The following TOP2B variants were observed in gnomAD, a reference collection of about 807,000 sequenced individuals.
The protein encoded by TOP2B is DNA topoisomerase II beta, also known as DNA topoisomerase 2-beta.
Under a neutral mutation model 193.5 loss-of-function variants are expected in TOP2B, and 51 were observed. That is an observed-to-expected ratio of 0.26 (90% confidence interval 0.21 to 0.33). The LOEUF is 0.33. Among genes scored for constraint, TOP2B ranks in the 10% least tolerant of loss-of-function variants. The pLI is 1.00. For synonymous variants in TOP2B, 634 were observed against 635.7 expected (o/e 1.00, Z 0.04); for missense variants, 1,378 against 1,909.3 (o/e 0.72, Z 5.19).
intron 3 of TOP2B, 29 bp from the exon 4 acceptor site, chr3:25,642,414 T>C (rs1473482333): frequency 5.8e-6 from 8 of 1,370,570 alleles, no homozygotes; most frequent in African/African-American, 5.8e-5. Context: ...CAATGAGTAA[T>C]ATACAAAATT....
intron 33 of TOP2B, among the ~76,000 whole-genome samples, chr3:25,602,416 G>GAA (rs60844877): frequency 2.2e-4 from 25 of 111,710 alleles, no homozygotes; most frequent in Admixed American, 4.0e-4. Context: ...AAAAGAAAAA[G>GAA]AAAAAAAAAA....
intron 8 of TOP2B, among the ~76,000 whole-genome samples, chr3:25,633,570 G>C (rs1211465689): frequency 2.0e-5 from 3 of 152,010 alleles, no homozygotes; most frequent in African/African-American, 7.2e-5. Context: ...AAAAGTTACA[G>C]AAAAAGGAAT....
rs1704044838 is a variant in TOP2B at position 25,664,860 on chromosome 3, C to G, written c.-563G>C. 6 of 991,948 alleles carry G rather than the reference C, an allele frequency of 6.0e-6. No individual in the cohort carries two copies. The South Asian group carries it at 2.7e-4, about 45-fold the overall frequency. 61.4% of individuals were successfully genotyped at this position (991,948 alleles called of 1,614,324 possible). A position where few individuals can be genotyped will look rare whatever the true frequency, so the allele number is the denominator to read the frequency against. On this transcript the variant is annotated 5_prime_UTR_variant, in exon 1 of 36. Transcript: ENST00000264331. ...GGGACAATAAACAGAGCCGCCGCCG[C>G]CGCCGCCACGGTCACCTCCCTCTTG...
intron 1 of TOP2B, among the ~76,000 whole-genome samples, chr3:25,650,264 T>C (rs950420155): frequency 1.3e-5 from 2 of 152,214 alleles, no homozygotes; most frequent in Non-Finnish European, 2.9e-5. Flanking sequence ...AACACTCTTA[T>C]AATAAGCAGA....
rs1385998593 is a variant in TOP2B, at chr3:25,607,389, T to C, written c.4094-14A>G. On this transcript the variant is annotated splice_polypyrimidine_tract_variant and intron_variant, in intron 30 of 35. Transcript: ENST00000264331. ...TAGGTCTTTCGGCTAGGAGGAAAAA[T>C]AAAAATGAATGTTAAACTCAAATCC... 2 of 1,548,216 alleles carry C rather than the reference T, an allele frequency of 1.3e-6. No individual in the cohort carries two copies. The highest frequency in any genetic ancestry group is 1.7e-6 in the Non-Finnish European group (2 of 1,145,572).
intron 1 of TOP2B, among the ~76,000 whole-genome samples, chr3:25,649,934 A>G (rs964621260): frequency 4.6e-5 from 7 of 152,246 alleles, no homozygotes; most frequent in African/African-American, 1.7e-4. Context: ...AGACACTTTT[A>G]TAAGTGATGA....
At chr3:25,642,656 GAACAAACACC>G (rs1703297289) in intron 3 of TOP2B, among the ~76,000 whole-genome samples, 1 of 152,012 alleles carries the variant, frequency 6.6e-6, no homozygotes, top group Non-Finnish European at 1.5e-5. Context: ...TATTAAGTAA[GAACAAACACC>G]TGCATTTTAC....
intron 18 of TOP2B, among the ~76,000 whole-genome samples, chr3:25,625,859 A>T (rs978426703): frequency 6.6e-6 from 1 of 152,214 alleles, no homozygotes; most frequent in Non-Finnish European, 1.5e-5. Context: ...CTAGAGGCAA[A>T]ATGAACAAAG....
chr3:25,654,921 A>G (rs1703702949), intron 1 of TOP2B, among the ~76,000 whole-genome samples: 1 of 152,192 alleles, frequency 6.6e-6, no homozygotes, highest in Non-Finnish European at 1.5e-5. Flanking sequence ...TAGATTAAAG[A>G]CCTAAAAGTA....
intron 33 of TOP2B, among the ~76,000 whole-genome samples, chr3:25,602,418 A>G (rs201457956): frequency 0.13 from 13,526 of 104,360 alleles, 818 homozygotes; most frequent in East Asian, 0.18. Context: ...AAGAAAAAGA[A>G]AAAAAAAAAA....
intron 1 of TOP2B, among the ~76,000 whole-genome samples, chr3:25,658,063 A>C (rs1425311709): frequency 1.0e-5 from 1 of 96,538 alleles, no homozygotes; most frequent in Non-Finnish European, 1.9e-5. Context: ...TCCGTCTCAA[A>C]AAAAAAAAAA....
At chr3:25,650,830 G>T (rs7646633) in intron 1 of TOP2B, among the ~76,000 whole-genome samples, 8,303 of 152,066 alleles carry the variant, frequency 0.055, 729 homozygotes, top group African/African-American at 0.19. Flanking sequence ...TTTATTTGAG[G>T]CATTGGCCCT....
intron 13 of TOP2B, 127 bp downstream of exon 13, chr3:25,629,902 A>AT (rs1297995921): frequency 5.7e-6 from 6 of 1,058,218 alleles, no homozygotes; most frequent in Non-Finnish European, 6.6e-6. Flanking sequence ...TGGTTTTTTC[A>AT]TTTTTTCCTC....
At chr3:25,615,797 G>A in intron 25 of TOP2B, 1 of 372,980 alleles carries the variant, frequency 2.7e-6, no homozygotes, top group East Asian at 4.3e-5. Flanking sequence ...ATCTTCAGAA[G>A]GAATGGTATA....
rs1297460082 is a variant in TOP2B at position 25,612,544 on chromosome 3, C to T, written c.3757G>A (p.Ala1253Thr). ...IPEITAMKADASKKLLKKKKG... is the reference protein window; with the variant it reads ...IPEITAMKADTSKKLLKKKKG... ...TTCTTCTTCAGCAACTTTTTGCTGG[C>T]ATCTGCCTTCATAGCTGTAATTTCA... Residue 1253 changes from alanine to threonine, a missense_variant, in exon 28 of 36, where the codon GCC becomes ACC. Ala to Thr is a moderately conservative substitution (Grantham distance 58). Coordinates refer to ENST00000264331, the MANE Select transcript of TOP2B (RefSeq NM_001330700.2). 1.9e-6 allele frequency: 3 copies of T among 1,610,614 alleles called. No homozygotes were observed. The South Asian group carries it at 3.3e-5, about 18-fold the overall frequency.
At chr3:25,652,655 T>C (rs1703624678) in intron 1 of TOP2B, among the ~76,000 whole-genome samples, 1 of 152,110 alleles carries the variant, frequency 6.6e-6, no homozygotes, top group Non-Finnish European at 1.5e-5. Flanking sequence ...TAGAGCAATA[T>C]TTATGTAATG....
rs1340704078 is a variant in TOP2B, at chr3:25,658,056, G to A, written c.69+6173C>T. On this transcript the variant is annotated intron_variant, in intron 1 of 35. Transcript: ENST00000264331. ...AGCCTGGGCGACAGAGCGAGACTCC[G>A]TCTCAAAAAAAAAAAAAAAAAATTA... is the stretch of plus-strand genomic sequence containing the variant. 1.3e-4 allele frequency among the ~76,000 whole-genome samples: 8 copies of A among 63,068 alleles called. No individual in the cohort carries two copies. In the East Asian group the frequency reaches 3.4e-3, roughly 27 times the overall value. The allele number at this position is 63,068 out of a possible 152,430, so 41.4% of individuals were successfully genotyped here. A position where few individuals can be genotyped will look rare whatever the true frequency, so the allele number is the denominator to read the frequency against.
chr3:25,642,227 A>C, intron 4 of TOP2B, 95 bp downstream of exon 4: 1 of 617,728 alleles, frequency 1.6e-6, no homozygotes, highest in Non-Finnish European at 2.7e-6. Context: ...ACTTTAAAAG[A>C]GTACTACCCA....
In TOP2B at chr3:25,619,991, A is replaced by C; in HGVS notation, c.2934T>G (p.Tyr978Ter). 1 of 1,603,950 alleles carries C rather than the reference A, an allele frequency of 6.2e-7. No homozygotes were observed. The highest frequency in any genetic ancestry group is 8.5e-7 in the Non-Finnish European group (1 of 1,173,084). Residue 978 changes from tyrosine (Y) to a stop codon, truncating the protein, a stop_gained, in exon 23 of 36, where the codon TAT becomes TAG. Coordinates refer to ENST00000264331, the MANE Select transcript of TOP2B (RefSeq NM_001330700.2). LOFTEE classifies it high-confidence loss of function. The stretch of plus-strand genomic sequence containing the variant: ...CAGTTGTGTCAGTATGATATTCTTT[A>C]TAATCAGAAATTAATGCTGGTGTTT... Reference protein sequence around the residue: ...TDKTPALISDYKEYHTDTTVK... With the variant: ...TDKTPALISD
Sources: allele counts gnomAD v4.1 joint callset (sites outside exome capture counted in the v4.1 genomes callset), GRCh38; gene constraint gnomAD v4.1.1; transcripts MANE v1.5; gene names NCBI Gene and HGNC (gene_info 2026-07-23, HGNC 2026-07-21).